Variants in RPP40 observed in about 807,000 individuals in gnomAD.
The protein encoded by RPP40 is ribonuclease P protein subunit p40.
RPP40 carries 30 observed loss-of-function variants against 42.5 expected under a neutral mutation model. The ratio of observed to expected loss-of-function variants is 0.71; its 90% CI spans 0.53 to 0.96. The LOEUF (loss-of-function observed/expected upper bound fraction) is 0.96. RPP40 is among the 40% of genes least tolerant of loss of function. The pLI is 0.00. For missense variants in RPP40, 426 were observed against 433.5 expected (o/e 0.98, Z 0.15); for synonymous variants, 173 against 164.0 (o/e 1.05, Z -0.42).
downstream of RPP40, among the ~76,000 whole-genome samples, chr6:4,990,991 C>T (rs982351499): frequency 2.0e-5 from 3 of 152,010 alleles, no homozygotes; most frequent in Non-Finnish European, 4.4e-5. Flanking sequence ...TTCAGTGATG[C>T]CACCTCTCTC....
rs754137737 is a variant in RPP40 at position 5,000,647 on chromosome 6, C to A, written c.269-16G>T. 8 of 1,517,762 alleles carry A rather than the reference C, an allele frequency of 5.3e-6. No homozygotes were observed. The African/African-American group carries it at 9.7e-5, about 18-fold the overall frequency. 94.0% of individuals were successfully genotyped at this position (1,517,762 alleles called of 1,614,324 possible). ...TAGCAAGAACCTGGAAGAGAAAGTA[C>A]AGAGGAAAAATTTAAAACAAGAAAT... On this transcript the variant is annotated splice_polypyrimidine_tract_variant and intron_variant, in intron 2 of 7. Coordinates refer to ENST00000380051, the MANE Select transcript of RPP40 (RefSeq NM_006638.4).
intron 2 of RPP40, chr6:5,001,115 G>A: frequency 2.2e-6 from 1 of 456,654 alleles, no homozygotes; most frequent in Non-Finnish European, 4.4e-6. Flanking sequence ...CGCGGAGAGG[G>A]GTCCAAAGTA....
Position 4,995,951 on chromosome 6 carries a change from C to T in RPP40, c.893G>A (p.Cys298Tyr), listed in dbSNP as rs1303416510. ...EKICLLLEHL[C>Y]HYFDEPKLAP... ...GATATAAAAGGTAAAGAGTTCTCAC[C>T]AGAGATGTTCCAATAGGAGACAGAT... The change falls in exon 7 of 8, where the codon TGT (cysteine) becomes TAT (tyrosine). Residue 298 changes from cysteine to tyrosine, a missense_variant and splice_region_variant. By Grantham distance (194) the Cys-to-Tyr change is radical (BLOSUM62 -2). Coordinates refer to ENST00000380051, the MANE Select transcript of RPP40 (RefSeq NM_006638.4). 9.9e-6 allele frequency: 16 copies of T among 1,613,732 alleles called. No homozygotes were observed. The highest frequency in any genetic ancestry group is 1.4e-5 in the Non-Finnish European group (16 of 1,179,854).
rs1759581605 is a variant in RPP40, at chr6:5,002,165, A to C, written c.204T>G (p.Phe68Leu). ...ATTCATGAAGAGGTAAATTCTTCACAAAGTAATAGGGTCCAGTGTTCATGA... is the reference window on the plus strand; with the variant it reads ...ATTCATGAAGAGGTAAATTCTTCACCAAGTAATAGGGTCCAGTGTTCATGA... ...NLVMNTGPYY[F>L]VKNLPLHELI... The change falls in exon 2 of 8, where the codon TTT (phenylalanine) becomes TTG (leucine). Residue 68 changes from phenylalanine (F) to leucine (L), a missense_variant. Coordinates refer to ENST00000380051, the MANE Select transcript of RPP40 (RefSeq NM_006638.4). 3 of 1,611,350 alleles carry C rather than the reference A, an allele frequency of 1.9e-6. No homozygotes were observed. The highest frequency in any genetic ancestry group is 1.7e-6 in the Non-Finnish European group (2 of 1,177,470).
intron 5 of RPP40, among the ~76,000 whole-genome samples, chr6:4,996,663 A>G (rs1171554180): frequency 6.6e-6 from 1 of 152,216 alleles, no homozygotes; most frequent in Non-Finnish European, 1.5e-5. Flanking sequence ...GATCAGACCC[A>G]AACTAGTTTC....
intron 7 of RPP40, among the ~76,000 whole-genome samples, chr6:4,995,666 A>G (rs945992062): frequency 3.9e-5 from 6 of 152,220 alleles, no homozygotes; most frequent in Admixed American, 3.3e-4. Flanking sequence ...CAGCCTTCCT[A>G]TCGAAGAAAG....
At chr6:5,000,691 G>A in intron 2 of RPP40, 60 bp from the exon 3 acceptor site, 1 of 1,039,868 alleles carries the variant, frequency 9.6e-7, no homozygotes, top group Non-Finnish European at 1.5e-6. Context: ...CAAGATGTTA[G>A]TGGATTATTT....
Position 5,000,544 on chromosome 6 carries a change from TG to T in RPP40, c.337+18del, listed in dbSNP as rs1487574702. On this transcript the variant is annotated intron_variant, in intron 3 of 7. Transcript: ENST00000380051. ...TTTTTTTTTAACAATTAAAGAAAGA[TG>T]AAAAAATAAAGTGTTACCATTTGGT... 6.6e-6 allele frequency: 9 copies of T among 1,358,578 alleles called. No individual in the cohort carries two copies. The East Asian group carries it at 1.2e-4, about 17-fold the overall frequency. The allele number at this position is 1,358,578 out of a possible 1,614,324, so 84.2% of individuals were successfully genotyped here.
At chr6:5,003,000 T>C (rs910414037) in intron 1 of RPP40, among the ~76,000 whole-genome samples, 3 of 152,092 alleles carry the variant, frequency 2.0e-5, no homozygotes, top group Non-Finnish European at 4.4e-5. Flanking sequence ...CATGATAAGG[T>C]TAGTTTCTTG....
intron 1 of RPP40, among the ~76,000 whole-genome samples, chr6:5,002,638 GAAAC>G (rs1296167872): frequency 6.6e-6 from 1 of 152,032 alleles, no homozygotes; most frequent in African/African-American, 2.4e-5. Context: ...ATCCTGGAAT[GAAAC>G]AAACTATCTG....
At chr6:4,992,383 AAAAAAG>A (rs1191486177), downstream of RPP40, among the ~76,000 whole-genome samples, 4 of 151,558 alleles carry the variant, frequency 2.6e-5, no homozygotes, top group South Asian at 2.1e-4. Context: ...AAAAAAAAAA[AAAAAAG>A]AAGAAGAAGA....
chr6:4,993,785 TCTTC>T (rs1206096030), downstream of RPP40, among the ~76,000 whole-genome samples: 1 of 152,176 alleles, frequency 6.6e-6, no homozygotes, highest in Non-Finnish European at 1.5e-5. Flanking sequence ...AGGACAGAAA[TCTTC>T]CTTGCTGTTC....
intron 5 of RPP40, among the ~76,000 whole-genome samples, 178 bp from the exon 6 acceptor site, chr6:4,996,598 T>C (rs1400619817): frequency 6.6e-6 from 1 of 152,244 alleles, no homozygotes; most frequent in Non-Finnish European, 1.5e-5. Flanking sequence ...TTTGCTCAAG[T>C]TCTGTAAACG....
chr6:4,989,001 C>A, the RPP40 span, among the ~76,000 whole-genome samples: 1 of 151,878 alleles, frequency 6.6e-6, no homozygotes, highest in Non-Finnish European at 1.5e-5. Context: ...TATCTTTTAC[C>A]ATTCTAATAG....
chr6:4,999,965 A>C (rs951751531), intron 3 of RPP40, 61 bp from the exon 4 acceptor site: 32 of 1,019,290 alleles, frequency 3.1e-5, no homozygotes, highest in Non-Finnish European at 4.5e-5. Context: ...TGTCTGACTA[A>C]AAGAAAGCAA....
chr6:4,994,403 A>T (rs1371216389), downstream of RPP40, among the ~76,000 whole-genome samples: 1 of 152,262 alleles, frequency 6.6e-6, no homozygotes, highest in Non-Finnish European at 1.5e-5. Flanking sequence ...TAATAAAAAA[A>T]AAATGGTTCT....
In RPP40 at chr6:5,002,149, G is replaced by A. The variant is rs1759580807; in HGVS notation, c.220C>T (p.Leu74Phe). 1 of 1,612,326 alleles carries A rather than the reference G, an allele frequency of 6.2e-7. No homozygotes were observed. Among genetic ancestry groups the A allele is most frequent in the Admixed American group, 1.7e-5 (1 of 59,970 alleles). Residue 74 changes from leucine (L) to phenylalanine (F), a missense_variant, in exon 2 of 8, where the codon CTT becomes TTT. Coordinates refer to ENST00000380051, the MANE Select transcript of RPP40 (RefSeq NM_006638.4). Reference protein sequence around the residue: ...GPYYFVKNLPLHELITPEFIS... With the variant: ...GPYYFVKNLPFHELITPEFIS... ...AATTCAGGTGTAATTAATTCATGAA[G>A]AGGTAAATTCTTCACAAAGTAATAG...
chr6:4,989,826 T>C (rs1759239749), downstream of RPP40, among the ~76,000 whole-genome samples: 1 of 152,252 alleles, frequency 6.6e-6, no homozygotes, highest in Non-Finnish European at 1.5e-5. Context: ...TTTGTTCTAG[T>C]AGCTCATTTG....
At chr6:4,991,766 C>T (rs1759264075), downstream of RPP40, among the ~76,000 whole-genome samples, 1 of 151,920 alleles carries the variant, frequency 6.6e-6, no homozygotes, top group Non-Finnish European at 1.5e-5. Context: ...GGTCTGTGTC[C>T]CTGCCCAAAT....
Sources: gnomAD v4.1 joint callset for allele counts (sites outside exome capture counted in the v4.1 genomes callset) on GRCh38, gnomAD v4.1.1 for gene constraint, MANE v1.5 for transcripts, NCBI Gene and HGNC (gene_info 2026-07-23, HGNC 2026-07-21) for gene names.